AUTS2: variants seen among roughly 807,000 people sequenced by gnomAD.
AUTS2 encodes activator of transcription and developmental regulator AUTS2, also known as autism susceptibility gene 2 protein.
Under a neutral mutation model 112.4 loss-of-function variants are expected in AUTS2, and 17 were observed. The observed-to-expected ratio is 0.15, with a 90% CI of 0.10 to 0.23. The LOEUF (loss-of-function observed/expected upper bound fraction) is 0.23, where lower values mean the gene tolerates loss of function less well. AUTS2 is among the 10% of genes least tolerant of loss of function. The pLI is 1.00. For synonymous variants in AUTS2, 751 were observed against 702.7 expected, an observed-to-expected ratio of 1.07 and a Z score of -1.09; for missense variants, 1,510 against 1,701.6, an observed-to-expected ratio of 0.89 and a Z score of 1.98.
At chr7:69,959,950 A>T (rs763755170) in intron 2 of AUTS2, among the ~76,000 whole-genome samples, 2 of 152,074 alleles carry the variant, frequency 1.3e-5, no homozygotes, top group Non-Finnish European at 2.9e-5. Context: ...TGGCTGCTAT[A>T]GTCAGGTCTG....
chr7:69,801,872 A>G (rs932995936), intron 1 of AUTS2, among the ~76,000 whole-genome samples: 4 of 152,162 alleles, frequency 2.6e-5, no homozygotes, highest in African/African-American at 9.7e-5. Context: ...GAAGGAGGAA[A>G]GGGGGCCAGG....
intron 5 of AUTS2, among the ~76,000 whole-genome samples, chr7:70,674,230 A>T (rs978823200): frequency 2.6e-5 from 4 of 152,226 alleles, no homozygotes; most frequent in African/African-American, 9.6e-5. Flanking sequence ...TAGGTGTCCT[A>T]GCCTCTTGTC....
intron 1 of AUTS2, among the ~76,000 whole-genome samples, chr7:69,746,660 A>T (rs1309013225): frequency 6.6e-6 from 1 of 152,118 alleles, no homozygotes; most frequent in Non-Finnish European, 1.5e-5. Context: ...CAGCCTGACT[A>T]GAGCAGAGAG....
rs1244969328 is a variant in AUTS2, at chr7:70,759,336, G to A, written c.743-3534G>A. Reference sequence around the variant, plus strand: ...GGCATATTCCCTATCTGGTCAGAGAGTGTTAGATTAGATCCTGCTACTCAA... The same window carrying A: ...GGCATATTCCCTATCTGGTCAGAGAATGTTAGATTAGATCCTGCTACTCAA... On this transcript the variant is annotated intron_variant, in intron 6 of 18. Transcript: ENST00000342771. Among the ~76,000 whole-genome samples the A allele has an allele frequency of 3.9e-5, 6 of 152,304 alleles. No homozygotes were observed. In the East Asian group the frequency reaches 1.2e-3, roughly 29 times the overall value.
intron 4 of AUTS2, among the ~76,000 whole-genome samples, chr7:70,233,296 C>T (rs1024510543): frequency 6.6e-6 from 1 of 152,104 alleles, no homozygotes; most frequent in African/African-American, 2.4e-5. Context: ...CGCAGGCTCT[C>T]TGTGTCCTGG....
chr7:69,667,491 G>A (rs1343810153), intron 1 of AUTS2, among the ~76,000 whole-genome samples: 2 of 151,930 alleles, frequency 1.3e-5, no homozygotes, highest in East Asian at 3.9e-4. Flanking sequence ...GCGTAGTTGG[G>A]ATTACAGGTG....
chr7:70,377,367 T>C (rs1200769484), intron 4 of AUTS2, among the ~76,000 whole-genome samples: 2 of 118,420 alleles, frequency 1.7e-5, no homozygotes, highest in South Asian at 2.7e-4. Flanking sequence ...TATATATATA[T>C]ATATATAGTG....
intron 1 of AUTS2, among the ~76,000 whole-genome samples, chr7:69,710,469 A>C (rs1798265347): frequency 6.6e-6 from 1 of 152,208 alleles, no homozygotes; most frequent in South Asian, 2.1e-4. Context: ...TGTTAGGATG[A>C]CTGGTGCGGA....
intron 1 of AUTS2, among the ~76,000 whole-genome samples, chr7:69,870,440 G>A (rs1793430716): frequency 9.8e-5 from 1 of 10,238 alleles, no homozygotes; most frequent in Non-Finnish European, 1.9e-4. Flanking sequence ...CTGTGCGTAT[G>A]TGTGTGTAAT....
chr7:70,785,871 C>T (rs971098273), intron 16 of AUTS2, 84 bp from the exon 17 acceptor site: 17 of 1,295,912 alleles, frequency 1.3e-5, no homozygotes, highest in South Asian at 7.3e-5. Flanking sequence ...GCAGGGATCC[C>T]GCATCGCCCT....
chr7:69,813,217 T>G (rs1313258762), intron 1 of AUTS2, among the ~76,000 whole-genome samples: 1 of 152,218 alleles, frequency 6.6e-6, no homozygotes, highest in African/African-American at 2.4e-5. Context: ...TCTCTTAGCC[T>G]GGAACATTTG....
At chr7:70,610,439 T>TC (rs1804031436) in intron 5 of AUTS2, among the ~76,000 whole-genome samples, 3 of 140,100 alleles carry the variant, frequency 2.1e-5, no homozygotes, top group African/African-American at 8.1e-5. Flanking sequence ...TTTTTTTTTT[T>TC]TTTTTTTTTT....
chr7:69,834,992 T>C (rs941783485), intron 1 of AUTS2, among the ~76,000 whole-genome samples: 4 of 152,000 alleles, frequency 2.6e-5, no homozygotes, highest in African/African-American at 9.7e-5. Context: ...GCCGCCTGTC[T>C]GCTTGCTTGG....
intron 4 of AUTS2, among the ~76,000 whole-genome samples, chr7:70,227,132 TA>T (rs960301940): frequency 5.1e-4 from 78 of 152,242 alleles, no homozygotes; most frequent in African/African-American, 1.8e-3. Context: ...AAGACCCGGG[TA>T]ATACATTTAA....
At chr7:69,677,495 G>T (rs955404731) in intron 1 of AUTS2, among the ~76,000 whole-genome samples, 1 of 152,192 alleles carries the variant, frequency 6.6e-6, no homozygotes, top group Non-Finnish European at 1.5e-5. Flanking sequence ...GGATGAGAAA[G>T]TTGTTGAAGA....
intron 3 of AUTS2, chr7:70,119,804 A>T (rs1484221939): frequency 6.6e-6 from 1 of 152,026 alleles, no homozygotes; most frequent in Non-Finnish European, 1.5e-5. Flanking sequence ...TAAATAAAGG[A>T]TATGTAATAA....
At chr7:70,094,784 T>A (rs1804103436) in intron 2 of AUTS2, among the ~76,000 whole-genome samples, 1 of 152,020 alleles carries the variant, frequency 6.6e-6, no homozygotes, top group South Asian at 2.1e-4. Context: ...TTCAAGTTGC[T>A]TTTTTTTCTC....
At chr7:70,125,370 GTACTT>G (rs1461898250) in intron 3 of AUTS2, among the ~76,000 whole-genome samples, 1 of 151,984 alleles carries the variant, frequency 6.6e-6, no homozygotes, top group Non-Finnish European at 1.5e-5. Context: ...TTCTGACTGA[GTACTT>G]TGCCTAATGC....
intron 5 of AUTS2, among the ~76,000 whole-genome samples, chr7:70,510,163 G>A (rs1399959568): frequency 6.6e-6 from 1 of 152,206 alleles, no homozygotes; most frequent in African/African-American, 2.4e-5. Flanking sequence ...CCTCCTGTGA[G>A]CCATTCCAGA....
Sources: gnomAD v4.1 joint callset for allele counts (sites outside exome capture counted in the v4.1 genomes callset) on GRCh38, gnomAD v4.1.1 for gene constraint, MANE v1.5 for transcripts, NCBI Gene and HGNC (gene_info 2026-07-23, HGNC 2026-07-21) for gene names.